Variants in PXN observed in about 807,000 individuals in gnomAD.
The protein encoded by PXN is testicular tissue protein Li 134.
PXN carries 61 observed loss-of-function variants against 103.6 expected under a neutral mutation model. The observed-to-expected ratio is 0.59, with a 90% CI of 0.48 to 0.73. The LOEUF (loss-of-function observed/expected upper bound fraction) is 0.73. PXN is among the 30% of genes least tolerant of loss of function. The pLI, the probability that PXN is intolerant of heterozygous loss-of-function variation, is 0.00. For missense variants in PXN, 1,274 were observed against 1,460.3 expected, an observed-to-expected ratio of 0.87 and a Z score of 2.08; for synonymous variants, 562 against 607.8, an observed-to-expected ratio of 0.92 and a Z score of 1.11.
rs371342861 is a variant in PXN, at chr12:120,220,013, A to G, written c.910T>C (p.Ser304Pro). The G allele has an allele frequency of 2.2e-5, 35 of 1,558,366 alleles. No homozygotes were observed. Among genetic ancestry groups the G allele is most frequent in the Non-Finnish European group, 3.1e-5 (35 of 1,146,768 alleles). The change falls in exon 7 of 15, where the codon TCT becomes CCT. Residue 304 changes from serine to proline, a missense_variant. By Grantham distance (74) the Ser-to-Pro change is moderately conservative. Transcript: ENST00000637617. The surrounding 1 kb of genome is among the most constrained non-coding windows in gnomAD (Gnocchi z 6.1). ...AATACAGATGGCATGGGAGGAGGAG[A>G]AGGAGGAAGGGAGCAGTATGAGGAC... ...APSSYCSLPP[S>P]PPPMPSVFLP...
chr12:120,235,334 G>A (rs993181522), intron 1 of PXN, among the ~76,000 whole-genome samples: 2 of 152,144 alleles, frequency 1.3e-5, no homozygotes, highest in Non-Finnish European at 2.9e-5. Flanking sequence ...CAGCTCAGGA[G>A]GGGGTGAGGA....
chr12:120,216,508 A>C lies in PXN; in HGVS notation c.2066T>G (p.Leu689Trp). 1 of 1,394,984 alleles carries C rather than the reference A, an allele frequency of 7.2e-7. No individual in the cohort carries two copies. Among genetic ancestry groups the C allele is most frequent in the Non-Finnish European group, 9.2e-7 (1 of 1,083,522 alleles). The allele number at this position is 1,394,984 out of a possible 1,614,324, so 86.4% of individuals were successfully genotyped here. Reference protein sequence around the residue: ...ISVLASPSVPLLQHRTDAAAS... With the variant: ...ISVLASPSVPWLQHRTDAAAS... ...CGCGGCGTCTGTGCGATGCTGGAGC[A>C]AAGGGACAGAAGGAGAAGCCAGGAC... Residue 689 changes from leucine (L) to tryptophan (W), a missense_variant, in exon 9 of 15, where the codon TTG (leucine) becomes TGG (tryptophan). By Grantham distance (61) the Leu-to-Trp change is moderately conservative (BLOSUM62 -2). Coordinates refer to ENST00000637617, the MANE Select transcript of PXN (RefSeq NM_001385981.1). The surrounding 1 kb of genome is among the most constrained non-coding windows in gnomAD (Gnocchi z 5.1).
In PXN at chr12:120,217,515, A is replaced by G. The variant is rs1314136107; in HGVS notation, c.1717-399T>C. On this transcript the variant is annotated intron_variant, in intron 7 of 14. Coordinates refer to ENST00000637617, the MANE Select transcript of PXN (RefSeq NM_001385981.1). The surrounding 1 kb of genome is among the most constrained non-coding windows in gnomAD (Gnocchi z 4.1). ...CAGAGGATGTAAGTGCATGCCCTTG[A>G]CAAGGCATACGGCTTTTTCTTTTTT... Among the ~76,000 whole-genome samples, 1 of 152,176 alleles carries G rather than the reference A, an allele frequency of 6.6e-6. No homozygotes were observed. Among genetic ancestry groups the G allele is most frequent in the Non-Finnish European group, 1.5e-5 (1 of 68,034 alleles).
Position 120,217,072 on chromosome 12 carries a change from G to A in PXN, c.1761C>T (p.His587=). Residue 587 remains histidine, a synonymous_variant, in exon 8 of 15, where the codon CAC becomes CAT. Transcript: ENST00000637617. The surrounding 1 kb of genome is among the most constrained non-coding windows in gnomAD (Gnocchi z 4.1). ...GAGGGGAGGGCTCCCGGGACATGGG[G>A]TGTGCGTGGCCAGACTCCCAGCTCC... ...IRRSWESGHA[H]PMSREPSPRR... is the part of the protein sequence containing the mutation. The A allele has an allele frequency of 6.3e-7, 1 of 1,591,946 alleles. No individual in the cohort carries two copies. The highest frequency in any genetic ancestry group is 1.1e-5 in the South Asian group (1 of 89,438).
At chr12:120,241,488 G>A (rs1890128210) in intron 1 of PXN, among the ~76,000 whole-genome samples, 1 of 152,230 alleles carries the variant, frequency 6.6e-6, no homozygotes, top group Non-Finnish European at 1.5e-5. Flanking sequence ...ACCTTTACTA[G>A]TGATGGCTCC....
chr12:120,263,544 G>A (rs915953013), intron 1 of PXN, among the ~76,000 whole-genome samples: 2 of 152,216 alleles, frequency 1.3e-5, no homozygotes, highest in Non-Finnish European at 2.9e-5. Flanking sequence ...TCCAGTTATG[G>A]TTTTGTCATT....
rs938376727 is a variant in PXN at position 120,228,169 on chromosome 12, G to A, written c.14-3792C>T. Reference sequence around the variant, plus strand: ...CCAGACACGCTGCTCGGAAGTAGTCGGGAGACCTCATTCAAGCTAAGAAAG... The same window carrying A: ...CCAGACACGCTGCTCGGAAGTAGTCAGGAGACCTCATTCAAGCTAAGAAAG... On this transcript the variant is annotated intron_variant, in intron 1 of 14. Coordinates refer to ENST00000637617, the MANE Select transcript of PXN (RefSeq NM_001385981.1). The surrounding 1 kb of genome is among the most constrained non-coding windows in gnomAD (Gnocchi z 4.7). Among the ~76,000 whole-genome samples, 1 of 152,182 alleles carries A rather than the reference G, an allele frequency of 6.6e-6. No homozygotes were observed. The highest frequency in any genetic ancestry group is 2.4e-5 in the African/African-American group (1 of 41,440).
In PXN at chr12:120,265,475, G is replaced by A; in HGVS notation, c.13+142C>T. 2.0e-6 allele frequency: 2 copies of A among 985,236 alleles called. No homozygotes were observed. Among genetic ancestry groups the A allele is most frequent in the Non-Finnish European group, 2.7e-6 (2 of 731,966 alleles). 61.0% of individuals were successfully genotyped at this position (985,236 alleles called of 1,614,324 possible). On this transcript the variant is annotated intron_variant, in intron 1 of 14. Transcript: ENST00000637617. This position sits in a 1 kb window ranked among gnomAD's most constrained non-coding sequence, Gnocchi z 5.7. ...GCCCGGTTAGGGATCCCAGCCCCGCGGAGCCCCGGCCGGCAGGGACAGGAG... is the reference window on the plus strand; with the variant it reads ...GCCCGGTTAGGGATCCCAGCCCCGCAGAGCCCCGGCCGGCAGGGACAGGAG...
rs1887426514 is a variant in PXN, at chr12:120,228,760, C to T, written c.14-4383G>A. ...AGGGCTCTGGAGAACCAGAGGGGTGCACGCCCTCGCTTCCAGGGCCCTGTG... is the reference window on the plus strand; with the variant it reads ...AGGGCTCTGGAGAACCAGAGGGGTGTACGCCCTCGCTTCCAGGGCCCTGTG... On this transcript the variant is annotated intron_variant, in intron 1 of 14. Transcript: ENST00000637617. The surrounding 1 kb of genome is among the most constrained non-coding windows in gnomAD (Gnocchi z 4.7). 6.6e-6 allele frequency among the ~76,000 whole-genome samples: 1 copy of T among 152,206 alleles called. No individual in the cohort carries two copies. Among genetic ancestry groups the T allele is most frequent in the African/African-American group, 2.4e-5 (1 of 41,450 alleles).
rs1886079122 is a variant in PXN at position 120,224,051 on chromosome 12, C to T, written c.240+100G>A. 2.0e-6 allele frequency: 2 copies of T among 1,019,202 alleles called. No individual in the cohort carries two copies. The highest frequency in any genetic ancestry group is 1.6e-5 in the South Asian group (1 of 61,488). The allele number at this position is 1,019,202 out of a possible 1,614,324, so 63.1% of individuals were successfully genotyped here. On this transcript the variant is annotated intron_variant, in intron 2 of 14. Coordinates refer to ENST00000637617, the MANE Select transcript of PXN (RefSeq NM_001385981.1). The surrounding 1 kb of genome is among the most constrained non-coding windows in gnomAD (Gnocchi z 5.0). ...TGTCTGGTTGGGAAGGGTCGACTGC[C>T]CCAATTCCATTCCATCCCCTGGCTC... is the stretch of plus-strand genomic sequence containing the variant.
chr12:120,224,694 G>A lies in PXN; in HGVS notation c.14-317C>T, dbSNP rs564454665. On this transcript the variant is annotated intron_variant, in intron 1 of 14. Coordinates refer to ENST00000637617, the MANE Select transcript of PXN (RefSeq NM_001385981.1). This position sits in a 1 kb window ranked among gnomAD's most constrained non-coding sequence, Gnocchi z 5.0. ...CGTTCCCTCCTGACAGGGCCGCGCA[G>A]CCGCGAGTGAAGTGCCTGTCTGGAA... 1.3e-5 allele frequency: 8 copies of A among 602,552 alleles called. No individual in the cohort carries two copies. The highest frequency in any genetic ancestry group is 1.2e-4 in the South Asian group (8 of 65,944). The allele number at this position is 602,552 out of a possible 1,614,324, so 37.3% of individuals were successfully genotyped here. A position where few individuals can be genotyped will look rare whatever the true frequency, so the allele number is the denominator to read the frequency against.
Position 120,229,050 on chromosome 12 carries a change from C to T in PXN, c.14-4673G>A, listed in dbSNP as rs1003262372. ...GCCCACTGCTCCGAGGAGGAGGGGA[C>T]CGGTTCGCCTGCATTCCAGGGCAAG... On this transcript the variant is annotated intron_variant, in intron 1 of 14. Coordinates refer to ENST00000637617, the MANE Select transcript of PXN (RefSeq NM_001385981.1). This position sits in a 1 kb window ranked among gnomAD's most constrained non-coding sequence, Gnocchi z 4.0. Among the ~76,000 whole-genome samples the T allele has an allele frequency of 6.6e-6, 1 of 152,128 alleles. No homozygotes were observed. Among genetic ancestry groups the T allele is most frequent in the Non-Finnish European group, 1.5e-5 (1 of 68,020 alleles).
chr12:120,223,582 T>C (rs1484582065), intron 3 of PXN, 136 bp downstream of exon 3: 9 of 613,168 alleles, frequency 1.5e-5, no homozygotes, highest in African/African-American at 1.1e-4. Flanking sequence ...ACAGGCCTTC[T>C]GCAGCTTAAA....
Position 120,222,940 on chromosome 12 carries a change from C to T in PXN, c.416G>A (p.Gly139Asp), listed in dbSNP as rs1466377017. The change falls in exon 4 of 15, where the codon GGC (glycine) becomes GAC (aspartate). Residue 139 changes from glycine (G) to aspartate (D), a missense_variant. By Grantham distance (94) the Gly-to-Asp change is moderately conservative. Coordinates refer to ENST00000637617, the MANE Select transcript of PXN (RefSeq NM_001385981.1). The surrounding 1 kb of genome is among the most constrained non-coding windows in gnomAD (Gnocchi z 4.7). ...GCGGTCGAGTTCAGAAAGGTTGCTGCCCAGGGACGTGCTCATTACGGTGGG... is the reference window on the plus strand; with the variant it reads ...GCGGTCGAGTTCAGAAAGGTTGCTGTCCAGGGACGTGCTCATTACGGTGGG... ...PSPTVMSTSL[G>D]SNLSELDRLL... The T allele has an allele frequency of 6.2e-7, 1 of 1,613,964 alleles. No individual in the cohort carries two copies. Among genetic ancestry groups the T allele is most frequent in the East Asian group, 2.2e-5 (1 of 44,848 alleles).
intron 1 of PXN, among the ~76,000 whole-genome samples, chr12:120,249,466 T>C (rs1482462758): frequency 2.0e-5 from 3 of 152,056 alleles, no homozygotes; most frequent in Non-Finnish European, 4.4e-5. Flanking sequence ...AAGCCAGTGG[T>C]GCCCAAAGGA....
chr12:120,234,884 G>C (rs1033469789), intron 1 of PXN, among the ~76,000 whole-genome samples: 2 of 152,148 alleles, frequency 1.3e-5, no homozygotes, highest in Non-Finnish European at 2.9e-5. Context: ...AGGCCAGCAG[G>C]GGGAGGAGTC....
At chr12:120,263,938 C>G (rs1290855089) in intron 1 of PXN, among the ~76,000 whole-genome samples, 1 of 152,116 alleles carries the variant, frequency 6.6e-6, no homozygotes, top group Non-Finnish European at 1.5e-5. Flanking sequence ...AACTTTGCTC[C>G]CAGTTCCCAC....
Position 120,212,528 on chromosome 12 carries a change from G to A in PXN, c.3032C>T (p.Pro1011Leu). The part of the protein sequence containing the change: ...NGSFFEHDGQ[P>L]YCEVHYHERR... ...CTCGTGGTAGTGCACCTCACAGTAG[G>A]GCTGCCCGTCGTGCTCGAAGAAGCT... The change falls in exon 15 of 15, where the codon CCC becomes CTC. Residue 1011 changes from proline to leucine, a missense_variant. Coordinates refer to ENST00000637617, the MANE Select transcript of PXN (RefSeq NM_001385981.1). This position sits in a 1 kb window ranked among gnomAD's most constrained non-coding sequence, Gnocchi z 7.2. 1 of 1,613,750 alleles carries A rather than the reference G, an allele frequency of 6.2e-7. No individual in the cohort carries two copies. The highest frequency in any genetic ancestry group is 1.7e-5 in the Admixed American group (1 of 60,008).
In PXN at chr12:120,223,743, C is replaced by T; in HGVS notation, c.331G>A (p.Val111Met). 1.2e-6 allele frequency: 2 copies of T among 1,604,044 alleles called. No individual in the cohort carries two copies. The highest frequency in any genetic ancestry group is 2.2e-5 in the South Asian group (2 of 89,002). ...QDSVGSPCSR[V>M]GEEEHVYSFP... ...CTGTAGACGTGCTCCTCCTCACCCA[C>T]TCGGGAGCACGGAGAGCCAACACTG... Residue 111 changes from valine (V) to methionine (M), a missense_variant, in exon 3 of 15, where the codon GTG (valine) becomes ATG (methionine). Physicochemically the swap from Val to Met is conservative, Grantham distance 21. Around this residue, in one of 2 missense-constraint regions of PXN, gnomAD observed 1,178 missense variants for 1,309.0 expected, o/e 0.90. Transcript: ENST00000637617.
Sources: gnomAD v4.1 joint callset for allele counts (sites outside exome capture counted in the v4.1 genomes callset) on GRCh38, gnomAD v4.1.1 for gene constraint, gnomAD v4.1.1 regional missense constraint, Gnocchi (gnomAD v3.1) non-coding constraint, MANE v1.5 for transcripts, NCBI Gene and HGNC (gene_info 2026-07-23, HGNC 2026-07-21) for gene names.